IMMP2L: variants seen among roughly 807,000 people sequenced by gnomAD.
IMMP2L encodes the protein inner mitochondrial membrane peptidase subunit 2, also known as mitochondrial inner membrane protease subunit 2.
Under a neutral mutation model 19.3 loss-of-function variants are expected in IMMP2L, and 18 were observed. The ratio of observed to expected loss-of-function variants is 0.93; its 90% confidence interval spans 0.64 to 1.38. IMMP2L has a LOEUF of 1.38. Ranked by LOEUF, IMMP2L falls within the 40% of genes most tolerant of loss-of-function variation. The pLI, the probability that IMMP2L is intolerant of heterozygous loss-of-function variation, is 0.00. For missense variants in IMMP2L, 233 were observed against 218.2 expected, an observed-to-expected ratio of 1.07 and a Z score of -0.43; for synonymous variants, 76 against 73.0, an observed-to-expected ratio of 1.04 and a Z score of -0.21.
intron 4 of IMMP2L, among the ~76,000 whole-genome samples, chr7:110,936,685 C>A (rs1816145441): frequency 6.6e-6 from 1 of 152,146 alleles, no homozygotes; most frequent in African/African-American, 2.4e-5. Flanking sequence ...TTTGACCCAA[C>A]CATCCCATTA....
At chr7:111,072,819 C>T (rs529717615) in intron 3 of IMMP2L, among the ~76,000 whole-genome samples, 1 of 150,866 alleles carries the variant, frequency 6.6e-6, no homozygotes, top group East Asian at 2.0e-4. Flanking sequence ...AGTGTGAACC[C>T]AGGAGGCGGA....
chr7:111,048,262 A>G (rs1018158619), intron 3 of IMMP2L, among the ~76,000 whole-genome samples: 1 of 148,436 alleles, frequency 6.7e-6, no homozygotes, highest in African/African-American at 2.5e-5. Context: ...AAAAAAAAAA[A>G]AAAGAAAAAA....
intron 3 of IMMP2L, among the ~76,000 whole-genome samples, chr7:111,238,247 T>C (rs113708973): frequency 3.3e-5 from 5 of 151,908 alleles, no homozygotes; most frequent in South Asian, 2.1e-4. Flanking sequence ...AGTCTGGAAA[T>C]AGATGATGTA....
chr7:110,970,121 T>A (rs1461176729), intron 3 of IMMP2L, among the ~76,000 whole-genome samples: 1 of 150,818 alleles, frequency 6.6e-6, no homozygotes, highest in East Asian at 1.9e-4. Context: ...CTGGATTATG[T>A]AAAATCAATT....
At chr7:111,159,484 A>G (rs992315047) in intron 3 of IMMP2L, among the ~76,000 whole-genome samples, 8 of 152,172 alleles carry the variant, frequency 5.3e-5, no homozygotes, top group South Asian at 4.1e-4. Flanking sequence ...TGAAAAAACA[A>G]TAACCTTTTC....
intron 3 of IMMP2L, among the ~76,000 whole-genome samples, chr7:111,050,681 T>A (rs1792923296): frequency 6.6e-6 from 1 of 152,228 alleles, no homozygotes; most frequent in South Asian, 2.1e-4. Context: ...AATGCAACTC[T>A]AATTGCTGCC....
intron 3 of IMMP2L, among the ~76,000 whole-genome samples, chr7:111,238,576 T>G (rs1186107067): frequency 6.6e-6 from 1 of 151,942 alleles, no homozygotes; most frequent in Non-Finnish European, 1.5e-5. Context: ...AATATAATTC[T>G]GTCTCTCTTT....
chr7:111,539,633 T>G (rs1281333516), intron 1 of IMMP2L, among the ~76,000 whole-genome samples: 1 of 146,650 alleles, frequency 6.8e-6, no homozygotes, highest in Non-Finnish European at 1.5e-5. Flanking sequence ...TTTATCTGGT[T>G]TTTTTTTTTT....
At chr7:110,962,440 A>AT (rs5886586) in intron 4 of IMMP2L, 43 of 150,004 alleles carry the variant, frequency 2.9e-4, no homozygotes, top group Middle Eastern at 3.4e-3. Flanking sequence ...AAAAATAATG[A>AT]TTTTTTTTTT....
chr7:110,768,992 T>G (rs1798857614), intron 5 of IMMP2L, among the ~76,000 whole-genome samples: 1 of 152,146 alleles, frequency 6.6e-6, no homozygotes, highest in Non-Finnish European at 1.5e-5. Flanking sequence ...GAATTAGGTG[T>G]GCTTAAATTT....
intron 3 of IMMP2L, among the ~76,000 whole-genome samples, chr7:110,996,991 G>A (rs1250955397): frequency 2.6e-5 from 4 of 151,998 alleles, no homozygotes; most frequent in African/African-American, 4.8e-5. Flanking sequence ...TATTACACAT[G>A]TAGATTCATG....
chr7:110,977,266 T>C (rs1181073892), intron 3 of IMMP2L, among the ~76,000 whole-genome samples: 1 of 151,984 alleles, frequency 6.6e-6, no homozygotes, highest in Non-Finnish European at 1.5e-5. Context: ...CAGGCCCAAA[T>C]ACTAGCTATA....
chr7:110,873,428 T>TAAA (rs1808725131), intron 5 of IMMP2L, among the ~76,000 whole-genome samples: 1 of 19,526 alleles, frequency 5.1e-5, no homozygotes, highest in Non-Finnish European at 9.4e-5. Context: ...AGACTCTATC[T>TAAA]CAAAAAAAAA....
At chr7:110,718,068 G>C (rs1795338929) in intron 5 of IMMP2L, among the ~76,000 whole-genome samples, 1 of 152,176 alleles carries the variant, frequency 6.6e-6, no homozygotes, top group African/African-American at 2.4e-5. Flanking sequence ...GGAGGAATTA[G>C]TTTAGGACCA....
chr7:110,869,498 A>G (rs1447087053), intron 5 of IMMP2L, among the ~76,000 whole-genome samples: 1 of 152,118 alleles, frequency 6.6e-6, no homozygotes, highest in African/African-American at 2.4e-5. Context: ...CATTCACAAC[A>G]TTATTAAACT....
chr7:110,669,700 G>A (rs906140241), intron 5 of IMMP2L, among the ~76,000 whole-genome samples: 11 of 152,094 alleles, frequency 7.2e-5, no homozygotes, highest in South Asian at 4.1e-4. Context: ...CCTCTATTTC[G>A]TAGCCGAGGT....
chr7:110,961,376 T>A (rs1177667701), intron 4 of IMMP2L, among the ~76,000 whole-genome samples: 13 of 151,800 alleles, frequency 8.6e-5, no homozygotes, highest in Admixed American at 8.6e-4. Context: ...ATAAATGCTA[T>A]GTAAATATTT....
At chr7:111,127,724 C>G (rs1288945699) in intron 3 of IMMP2L, among the ~76,000 whole-genome samples, 1 of 152,134 alleles carries the variant, frequency 6.6e-6, no homozygotes, top group Non-Finnish European at 1.5e-5. Context: ...CAAAACACAA[C>G]TTTACCTATA....
At chr7:110,905,876 A>G (rs185405726) in intron 4 of IMMP2L, among the ~76,000 whole-genome samples, 38 of 152,278 alleles carry the variant, frequency 2.5e-4, no homozygotes, top group African/African-American at 8.7e-4. Context: ...GAAATACACA[A>G]TTTATTTACC....
Sources: allele counts gnomAD v4.1 joint callset (sites outside exome capture counted in the v4.1 genomes callset), GRCh38; gene constraint gnomAD v4.1.1; transcripts MANE v1.5; gene names NCBI Gene and HGNC (gene_info 2026-07-23, HGNC 2026-07-21).